The following TUT4 variants were observed in gnomAD, a reference collection of about 807,000 sequenced individuals.
TUT4 encodes the protein terminal uridylyl transferase 4.
Under a neutral mutation model 192.2 loss-of-function variants are expected in TUT4, and 36 were observed. The observed-to-expected ratio is 0.19, with a 90% CI of 0.14 to 0.25. The LOEUF is 0.25. TUT4 is among the 10% of genes least tolerant of loss of function. The pLI, the probability that TUT4 is intolerant of heterozygous loss-of-function variation, is 1.00. For missense variants in TUT4, 1,493 were observed against 1,957.2 expected (o/e 0.76, Z 4.47); for synonymous variants, 618 against 666.0 (o/e 0.93, Z 1.11).
At chr1:52,527,619 A>G (rs971653375) in intron 1 of TUT4, among the ~76,000 whole-genome samples, 5 of 152,302 alleles carry the variant, frequency 3.3e-5, no homozygotes, top group African/African-American at 1.2e-4. Context: ...AATAATCTCT[A>G]TGACACTATA....
intron 28 of TUT4, among the ~76,000 whole-genome samples, 177 bp downstream of exon 28, chr1:52,430,836 G>A (rs1651835575): frequency 6.6e-6 from 1 of 152,046 alleles, no homozygotes; most frequent in Non-Finnish European, 1.5e-5. Flanking sequence ...TAAATGGCAG[G>A]GCCAGGATTC....
chr1:52,497,244 A>G (rs1672679412), intron 4 of TUT4, 61 bp from the exon 5 acceptor site: 1 of 1,454,170 alleles, frequency 6.9e-7, no homozygotes. Flanking sequence ...AATTGTTCTT[A>G]TATTTAGCAG....
intron 4 of TUT4, among the ~76,000 whole-genome samples, chr1:52,504,320 G>T (rs1020048382): frequency 3.3e-5 from 5 of 152,032 alleles, no homozygotes; most frequent in African/African-American, 1.2e-4. Context: ...CAGAAGCCAG[G>T]GTGAGTGACC....
chr1:52,513,295 G>A (rs915993166), intron 3 of TUT4, among the ~76,000 whole-genome samples: 2 of 149,424 alleles, frequency 1.3e-5, no homozygotes, highest in Admixed American at 6.7e-5. Context: ...CAAGCTACTC[G>A]GGAGACTTAG....
Position 52,458,465 on chromosome 1 carries a change from AT to A in TUT4, c.3322-17del. 6.3e-7 allele frequency: 1 copy of A among 1,587,834 alleles called. No homozygotes were observed. Among genetic ancestry groups the A allele is most frequent in the Non-Finnish European group, 8.6e-7 (1 of 1,159,030 alleles). ...TGTCACATCGCTAAAAAACAACATGATTGAAAACAAAACTTCAGAGTCTTAC... is the reference window on the plus strand; with the variant it reads ...TGTCACATCGCTAAAAAACAACATGATGAAAACAAAACTTCAGAGTCTTAC... On this transcript the variant is annotated splice_polypyrimidine_tract_variant and intron_variant, in intron 19 of 29. Coordinates refer to ENST00000257177, the MANE Select transcript of TUT4 (RefSeq NM_001009881.3).
chr1:52,430,151 GA>G (rs967665156), intron 28 of TUT4, among the ~76,000 whole-genome samples: 8 of 151,338 alleles, frequency 5.3e-5, no homozygotes, highest in Non-Finnish European at 1.0e-4. Flanking sequence ...TTAGATATCA[GA>G]AAAAAAACTA....
In TUT4 at chr1:52,495,568, T is replaced by C. The variant is rs978324156; in HGVS notation, c.1178-53A>G. ...TGAAATAGCATGCAAATATGAGAGA[T>C]GTAAAAAAACAGCGACGGGAAAATT... On this transcript the variant is annotated intron_variant, in intron 5 of 29. Transcript: ENST00000257177. 25 of 1,397,862 alleles carry C rather than the reference T, an allele frequency of 1.8e-5. 1 individual carries two copies. The South Asian group carries it at 2.4e-4, about 13-fold the overall frequency. The allele number at this position is 1,397,862 out of a possible 1,614,324, so 86.6% of individuals were successfully genotyped here. A position where few individuals can be genotyped will look rare whatever the true frequency, so the allele number is the denominator to read the frequency against.
At chr1:52,480,490 CAG>C (rs1668228640) in intron 11 of TUT4, among the ~76,000 whole-genome samples, 1 of 152,122 alleles carries the variant, frequency 6.6e-6, no homozygotes, top group Admixed American at 6.5e-5. Context: ...TAAGGGGAAA[CAG>C]AGAAATCAAA....
intron 13 of TUT4, among the ~76,000 whole-genome samples, chr1:52,473,696 CCTTTT>C (rs1163421275): frequency 6.6e-6 from 1 of 151,796 alleles, no homozygotes; most frequent in African/African-American, 2.4e-5. Context: ...AGATGACTTT[CCTTTT>C]GTTTTTTTTT....
In TUT4 at chr1:52,475,339, A is replaced by T. The variant is rs1666809102; in HGVS notation, c.2220T>A (p.Asn740Lys). The change falls in exon 13 of 30, where the codon AAT (asparagine) becomes AAA (lysine). Residue 740 changes from asparagine to lysine, a missense_variant. By Grantham distance (94) the Asn-to-Lys change is moderately conservative. This residue lies in a region of TUT4 where 245 missense variants were observed against 218.4 expected (regional missense o/e 1.12). Transcript: ENST00000257177. The part of the protein sequence containing the change: ...ISNKKPVKSN[N>K]MATNGCILLG... ...GCAGAATACAACCATTGGTTGCCAT[A>T]TTGTTCGACTTGACTGGTTTCTTAT... is the stretch of plus-strand genomic sequence containing the variant. 2 of 1,613,848 alleles carry T rather than the reference A, an allele frequency of 1.2e-6. No individual in the cohort carries two copies. The highest frequency in any genetic ancestry group is 2.7e-5 in the African/African-American group (2 of 74,836).
chr1:52,516,958 C>T (rs908479234), intron 2 of TUT4, among the ~76,000 whole-genome samples: 1 of 152,160 alleles, frequency 6.6e-6, no homozygotes, highest in African/African-American at 2.4e-5. Flanking sequence ...AGCTAACTTA[C>T]CTGTAACTCC....
At chr1:52,537,452 T>C (rs1241925219) in intron 1 of TUT4, among the ~76,000 whole-genome samples, 1 of 152,142 alleles carries the variant, frequency 6.6e-6, no homozygotes, top group African/African-American at 2.4e-5. Context: ...TATAAACATA[T>C]GCACCTAACA....
chr1:52,466,680 A>G (rs12065635), intron 15 of TUT4, among the ~76,000 whole-genome samples: 1 of 131,170 alleles, frequency 7.6e-6, no homozygotes, highest in South Asian at 2.3e-4. Context: ...ATATATATAT[A>G]TATTTTTGAG....
At chr1:52,444,724 C>T (rs929412310) in intron 24 of TUT4, among the ~76,000 whole-genome samples, 1 of 150,658 alleles carries the variant, frequency 6.6e-6, no homozygotes, top group Non-Finnish European at 1.5e-5. Flanking sequence ...ACAGGACTAG[C>T]CTCTCAGCCT....
intron 2 of TUT4, among the ~76,000 whole-genome samples, chr1:52,516,631 T>C (rs1413364200): frequency 6.6e-6 from 1 of 152,204 alleles, no homozygotes; most frequent in African/African-American, 2.4e-5. Flanking sequence ...ATCTGCAGCA[T>C]CTAGCAGTAT....
chr1:52,461,482 G>GTA, intron 18 of TUT4, 31 bp downstream of exon 18: 1 of 1,575,062 alleles, frequency 6.3e-7, no homozygotes, highest in East Asian at 2.2e-5. Context: ...AAAATGAAAA[G>GTA]TATATACATG....
At chr1:52,434,644 C>G (rs1436336758) in intron 27 of TUT4, 2 of 152,104 alleles carry the variant, frequency 1.3e-5, no homozygotes, top group African/African-American at 4.8e-5. Context: ...TCAAGACTAG[C>G]CCGACCAATA....
At chr1:52,460,958 AAGAC>A (rs1209750163) in intron 19 of TUT4, 172 bp downstream of exon 19, 4 of 405,902 alleles carry the variant, frequency 9.9e-6, no homozygotes, top group Non-Finnish European at 1.3e-5. Context: ...ACAGGAAAAA[AAGAC>A]AGAGCCACCC....
intron 11 of TUT4, among the ~76,000 whole-genome samples, chr1:52,478,163 A>T (rs1667571701): frequency 6.6e-6 from 1 of 152,128 alleles, no homozygotes; most frequent in Non-Finnish European, 1.5e-5. Flanking sequence ...TGAATTCCAC[A>T]CCAACCCCAC....
Sources: gnomAD v4.1 joint callset for allele counts (sites outside exome capture counted in the v4.1 genomes callset) on GRCh38, gnomAD v4.1.1 for gene constraint, gnomAD v4.1.1 regional missense constraint, MANE v1.5 for transcripts, NCBI Gene and HGNC (gene_info 2026-07-23, HGNC 2026-07-21) for gene names.